The following LINGO2 variants were observed in gnomAD, a reference collection of about 807,000 sequenced individuals.
LINGO2 encodes the protein leucine rich repeat and Ig domain containing 2, also known as leucine-rich repeat and immunoglobulin-like domain-containing nogo receptor-interacting protein 2.
In LINGO2, 14 loss-of-function variants were observed where a neutral mutation model predicts 30.6. That is an observed-to-expected ratio of 0.46 (90% CI 0.30 to 0.72). LINGO2 has a LOEUF of 0.72. Among genes scored for constraint, LINGO2 ranks in the 30% least tolerant of loss-of-function variants. LINGO2 has a pLI of 0.07. For synonymous variants in LINGO2, 317 were observed against 288.5 expected, an observed-to-expected ratio of 1.10 and a Z score of -1.00; for missense variants, 729 against 751.7, an observed-to-expected ratio of 0.97 and a Z score of 0.35.
At chr9:28,176,196 CTG>C (rs1360296310) in intron 4 of LINGO2, among the ~76,000 whole-genome samples, 1 of 152,216 alleles carries the variant, frequency 6.6e-6, no homozygotes, top group Non-Finnish European at 1.5e-5. Flanking sequence ...GGAGGCTACT[CTG>C]TTATTCTTTT....
At chr9:29,086,389 T>C in the LINGO2 span, among the ~76,000 whole-genome samples, 1 of 151,972 alleles carries the variant, frequency 6.6e-6, no homozygotes, top group East Asian at 1.9e-4. Context: ...AGGTTTTTTT[T>C]GGTCTTAATT....
At chr9:28,737,661 C>T in the LINGO2 span, among the ~76,000 whole-genome samples, 1 of 152,060 alleles carries the variant, frequency 6.6e-6, no homozygotes, top group Admixed American at 6.6e-5. Flanking sequence ...TGTCAGCTTT[C>T]TTTCTTTTCT....
At chr9:28,040,424 G>GTTT (rs762768949) in intron 4 of LINGO2, among the ~76,000 whole-genome samples, 8 of 124,304 alleles carry the variant, frequency 6.4e-5, no homozygotes, top group Admixed American at 8.1e-5. Flanking sequence ...ACAGCTTGAA[G>GTTT]TTTTTTTTTT....
At chr9:28,941,521 C>T in the LINGO2 span, among the ~76,000 whole-genome samples, 25,488 of 151,980 alleles carry the variant, frequency 0.17, 2,233 homozygotes, top group East Asian at 0.29. Context: ...AAAATGTATA[C>T]ATATTATAGT....
the LINGO2 span, among the ~76,000 whole-genome samples, chr9:29,162,584 G>A: frequency 6.6e-6 from 1 of 152,056 alleles, no homozygotes; most frequent in Admixed American, 6.6e-5. Flanking sequence ...TGAATCAATG[G>A]ATATGAAAGG....
intron 2 of LINGO2, among the ~76,000 whole-genome samples, chr9:28,396,882 G>A (rs952069062): frequency 3.3e-5 from 5 of 152,034 alleles, no homozygotes; most frequent in African/African-American, 1.2e-4. Flanking sequence ...TTGAGGAGTG[G>A]GAGGTAAAAT....
chr9:28,030,398 A>G (rs760223097), intron 4 of LINGO2, among the ~76,000 whole-genome samples: 1 of 152,198 alleles, frequency 6.6e-6, no homozygotes, highest in Non-Finnish European at 1.5e-5. Context: ...ACTAAGACTC[A>G]TTGGTATTTA....
chr9:28,549,357 T>C (rs915417045), intron 1 of LINGO2, among the ~76,000 whole-genome samples: 12 of 152,152 alleles, frequency 7.9e-5, no homozygotes, highest in Admixed American at 7.9e-4. Context: ...TCATCTATAT[T>C]GATGAATATT....
At chr9:28,967,709 T>A in the LINGO2 span, among the ~76,000 whole-genome samples, 86 of 152,334 alleles carry the variant, frequency 5.6e-4, no homozygotes, top group African/African-American at 1.9e-3. Context: ...TTCATCAACA[T>A]AGTCTTGTCA....
the LINGO2 span, among the ~76,000 whole-genome samples, chr9:28,793,678 A>G: frequency 2.0e-5 from 3 of 152,184 alleles, no homozygotes; most frequent in African/African-American, 7.2e-5. Flanking sequence ...GAAATATAAC[A>G]CATCAGAGCA....
rs912328217 is a variant in LINGO2, at chr9:28,222,579, G to A, written c.-87+72629C>T. On this transcript the variant is annotated intron_variant, in intron 4 of 5. Coordinates refer to ENST00000379992, the Ensembl canonical transcript of LINGO2. The stretch of plus-strand genomic sequence containing the variant: ...TAGGTTTTATACTGAGTCACATTTC[G>A]AATCTAATAAAAATTAGGCATTTGT... Among the ~76,000 whole-genome samples, 6 of 151,492 alleles carry A rather than the reference G, an allele frequency of 4.0e-5. No individual in the cohort carries two copies. In the East Asian group the frequency reaches 7.8e-4, roughly 20 times the overall value.
At chr9:27,986,095 T>C (rs901348603) in intron 5 of LINGO2, among the ~76,000 whole-genome samples, 3 of 151,558 alleles carry the variant, frequency 2.0e-5, no homozygotes, top group South Asian at 2.1e-4. Flanking sequence ...CCTGAGGAAA[T>C]TGGTTTAGGC....
At chr9:28,630,810 T>C (rs967142499) in intron 1 of LINGO2, among the ~76,000 whole-genome samples, 2 of 151,904 alleles carry the variant, frequency 1.3e-5, no homozygotes, top group African/African-American at 4.8e-5. Flanking sequence ...AGTTTAACAC[T>C]CTACTGAGAG....
chr9:28,857,739 A>G, the LINGO2 span, among the ~76,000 whole-genome samples: 2 of 152,084 alleles, frequency 1.3e-5, no homozygotes, highest in Admixed American at 6.6e-5. Context: ...AATATGTATA[A>G]AATTCTTAAG....
chr9:27,981,170 C>A lies in LINGO2; in HGVS notation c.-35-30464G>T, dbSNP rs375060291. On this transcript the variant is annotated intron_variant, in intron 5 of 5. Transcript: ENST00000379992. ...TATTTTTCCAGAAGTTCCACTGTTT[C>A]CAAAAGCCAGTTAATACTCCTGCCT... Among the ~76,000 whole-genome samples, 51 of 151,838 alleles carry A rather than the reference C, an allele frequency of 3.4e-4. No individual in the cohort carries two copies. In the South Asian group the frequency reaches 0.01, roughly 31 times the overall value.
intron 1 of LINGO2, among the ~76,000 whole-genome samples, chr9:28,591,212 G>C (rs1371108899): frequency 6.6e-6 from 1 of 151,962 alleles, no homozygotes; most frequent in Non-Finnish European, 1.5e-5. Context: ...AATGCTAAAT[G>C]ATGACTTAAT....
intron 4 of LINGO2, among the ~76,000 whole-genome samples, chr9:28,012,926 T>G (rs190925962): frequency 6.6e-6 from 1 of 152,212 alleles, no homozygotes; most frequent in Non-Finnish European, 1.5e-5. Flanking sequence ...GCAGCGCTTG[T>G]TAAGACAGAT....
At chr9:28,779,832 TCA>T in the LINGO2 span, among the ~76,000 whole-genome samples, 20 of 152,128 alleles carry the variant, frequency 1.3e-4, no homozygotes, top group Non-Finnish European at 2.8e-4. Context: ...TGATACTGAC[TCA>T]CAGATGGCAT....
chr9:28,122,949 T>C (rs902283161), intron 4 of LINGO2, among the ~76,000 whole-genome samples: 1 of 152,244 alleles, frequency 6.6e-6, no homozygotes, highest in Non-Finnish European at 1.5e-5. Context: ...TTTGTCAAAA[T>C]ATATTTATGA....
Sources: gnomAD v4.1 joint callset for allele counts (sites outside exome capture counted in the v4.1 genomes callset) on GRCh38, gnomAD v4.1.1 for gene constraint, MANE v1.5 for transcripts, NCBI Gene and HGNC (gene_info 2026-07-23, HGNC 2026-07-21) for gene names.